The following ERBB4 variants were observed in gnomAD, a reference collection of about 807,000 sequenced individuals.
ERBB4 encodes erb-b2 receptor tyrosine kinase 4.
ERBB4 carries 42 observed loss-of-function variants against 158.0 expected under a neutral mutation model. The ratio of observed to expected loss-of-function variants is 0.27; its 90% confidence interval spans 0.21 to 0.34. ERBB4 has a LOEUF of 0.34. Among genes scored for constraint, ERBB4 ranks in the 10% least tolerant of loss-of-function variants. The pLI is 1.00. For synonymous variants in ERBB4, 583 were observed against 558.7 expected, an observed-to-expected ratio of 1.04 and a Z score of -0.61; for missense variants, 1,333 against 1,624.1, an observed-to-expected ratio of 0.82 and a Z score of 3.08.
chr2:212,461,115 AAT>A (rs2106070543), intron 1 of ERBB4, among the ~76,000 whole-genome samples: 1 of 152,280 alleles, frequency 6.6e-6, no homozygotes, highest in South Asian at 2.1e-4. Flanking sequence ...ATGGAAGAGA[AAT>A]GTGGGGTGGG....
At chr2:212,072,823 CTTGAGA>C (rs2078163225) in intron 2 of ERBB4, among the ~76,000 whole-genome samples, 1 of 151,870 alleles carries the variant, frequency 6.6e-6, no homozygotes, top group African/African-American at 2.4e-5. Flanking sequence ...TTTCATGGAG[CTTGAGA>C]TTATTAGGAG....
chr2:212,438,960 T>C (rs1188496543), intron 1 of ERBB4, among the ~76,000 whole-genome samples: 2 of 152,146 alleles, frequency 1.3e-5, no homozygotes, highest in Non-Finnish European at 1.5e-5. Context: ...AAAAGTAGCA[T>C]ACCAAACCAG....
rs12620013 is a variant in ERBB4 at position 211,981,479 on chromosome 2, G to A, written c.235-33863C>T. On this transcript the variant is annotated intron_variant, in intron 2 of 27. Coordinates refer to ENST00000342788, the MANE Select transcript of ERBB4 (RefSeq NM_005235.3). ...TGTAGGTTTAGGTGTAAATTCTTTTGTATGGCATTCAAGGCCATTTGGAAT... is the reference window on the plus strand; with the variant it reads ...TGTAGGTTTAGGTGTAAATTCTTTTATATGGCATTCAAGGCCATTTGGAAT... Among the ~76,000 whole-genome samples, 61 of 152,260 alleles carry A rather than the reference G, an allele frequency of 4.0e-4. No individual in the cohort carries two copies. In the East Asian group the frequency reaches 0.011, roughly 27 times the overall value.
At chr2:212,043,105 G>C (rs183070447) in intron 2 of ERBB4, among the ~76,000 whole-genome samples, 1 of 152,286 alleles carries the variant, frequency 6.6e-6, no homozygotes, top group East Asian at 1.9e-4. Context: ...ATTTAGGACT[G>C]TTAGTACCTT....
chr2:212,148,104 A>G (rs1232575734), intron 1 of ERBB4, among the ~76,000 whole-genome samples: 1 of 151,036 alleles, frequency 6.6e-6, no homozygotes, highest in Non-Finnish European at 1.5e-5. Context: ...TTATTATTCC[A>G]TTCATCACCA....
chr2:212,255,367 C>T (rs763769352), intron 1 of ERBB4, among the ~76,000 whole-genome samples: 1 of 152,100 alleles, frequency 6.6e-6, no homozygotes, highest in Non-Finnish European at 1.5e-5. Flanking sequence ...ACTAATGTAA[C>T]TCCAATTTAA....
chr2:212,399,949 A>G (rs2091154153), intron 1 of ERBB4, among the ~76,000 whole-genome samples: 1 of 152,086 alleles, frequency 6.6e-6, no homozygotes, highest in South Asian at 2.1e-4. Context: ...ACAAAAGTTC[A>G]GAGTGCTTTG....
intron 20 of ERBB4, among the ~76,000 whole-genome samples, chr2:211,545,494 A>G (rs1280549286): frequency 6.6e-6 from 1 of 152,098 alleles, no homozygotes; most frequent in African/African-American, 2.4e-5. Context: ...ATAAATCTTA[A>G]TATGTACCAC....
rs186218711 is a variant in ERBB4, at chr2:211,581,551, A to G, written c.2302-19463T>C. 9.2e-5 allele frequency among the ~76,000 whole-genome samples: 14 copies of G among 152,294 alleles called. No homozygotes were observed. The East Asian group carries it at 2.5e-3, about 27-fold the overall frequency. On this transcript the variant is annotated intron_variant, in intron 19 of 27. Coordinates refer to ENST00000342788, the MANE Select transcript of ERBB4 (RefSeq NM_005235.3). ...TTTAAAACTTTTTTTTGTTCTTTCC[A>G]GAGTTACCTTTTTCAACTCTCATTC...
At chr2:212,139,058 T>C (rs77509092) in intron 1 of ERBB4, among the ~76,000 whole-genome samples, 14,317 of 152,140 alleles carry the variant, frequency 0.094, 790 homozygotes, top group Admixed American at 0.14. Flanking sequence ...TTCACTAATC[T>C]TTGGACTTAA....
chr2:212,350,620 G>T (rs1364674078), intron 1 of ERBB4, among the ~76,000 whole-genome samples: 1 of 152,070 alleles, frequency 6.6e-6, no homozygotes, highest in Admixed American at 6.6e-5. Context: ...AAATTGTAAA[G>T]CGATATTAAG....
chr2:212,535,158 G>A (rs1251814710), intron 1 of ERBB4, among the ~76,000 whole-genome samples: 1 of 151,972 alleles, frequency 6.6e-6, no homozygotes, highest in Admixed American at 6.6e-5. Context: ...ATTTCCAAGC[G>A]ATTTGCAGTT....
chr2:212,375,899 G>A (rs2090303234), intron 1 of ERBB4, among the ~76,000 whole-genome samples: 1 of 152,090 alleles, frequency 6.6e-6, no homozygotes, highest in African/African-American at 2.4e-5. Context: ...TTTGCACAAT[G>A]TCCCAAGGAA....
intron 20 of ERBB4, among the ~76,000 whole-genome samples, chr2:211,538,333 T>C (rs1050526703): frequency 1.3e-5 from 2 of 151,860 alleles, no homozygotes; most frequent in African/African-American, 2.4e-5. Flanking sequence ...TTTAATACTG[T>C]GTGTATGTTC....
intron 20 of ERBB4, among the ~76,000 whole-genome samples, chr2:211,504,632 CAGAT>C (rs2065699980): frequency 6.6e-6 from 1 of 152,004 alleles, no homozygotes; most frequent in Non-Finnish European, 1.5e-5. Context: ...TTCAAAAAGA[CAGAT>C]AAAGAATTCA....
At chr2:212,050,799 T>A (rs2077379728) in intron 2 of ERBB4, among the ~76,000 whole-genome samples, 1 of 152,180 alleles carries the variant, frequency 6.6e-6, no homozygotes, top group South Asian at 2.1e-4. Context: ...TTTTGATAAC[T>A]AAGAACCGAA....
chr2:212,076,429 A>G (rs2078276664), intron 2 of ERBB4, among the ~76,000 whole-genome samples: 1 of 151,956 alleles, frequency 6.6e-6, no homozygotes, highest in Non-Finnish European at 1.5e-5. Flanking sequence ...AACAGTATTC[A>G]TTAAGTGCCT....
intron 19 of ERBB4, among the ~76,000 whole-genome samples, chr2:211,593,720 T>G (rs2068544061): frequency 6.6e-6 from 1 of 152,186 alleles, no homozygotes. Flanking sequence ...ATAGGTTTAT[T>G]TATTGATACA....
At chr2:211,505,337 C>T (rs971400504) in intron 20 of ERBB4, among the ~76,000 whole-genome samples, 2 of 151,330 alleles carry the variant, frequency 1.3e-5, no homozygotes, top group African/African-American at 4.9e-5. Flanking sequence ...AAAAATCAGC[C>T]AAGAATCTCA....
Sources: allele counts gnomAD v4.1 joint callset (sites outside exome capture counted in the v4.1 genomes callset), GRCh38; gene constraint gnomAD v4.1.1; transcripts MANE v1.5; gene names NCBI Gene and HGNC (gene_info 2026-07-23, HGNC 2026-07-21).